ASAP1: variants seen among roughly 807,000 people sequenced by gnomAD.
ASAP1 encodes the protein arf-GAP with SH3 domain, ANK repeat and PH domain-containing protein 1.
Under a neutral mutation model 145.2 loss-of-function variants are expected in ASAP1, and 43 were observed. That is an observed-to-expected ratio of 0.30 (90% CI 0.23 to 0.38). The LOEUF is 0.38. Among genes scored for constraint, ASAP1 ranks in the 10% least tolerant of loss-of-function variants. The pLI, the probability that ASAP1 is intolerant of heterozygous loss-of-function variation, is 1.00. For synonymous variants in ASAP1, 546 were observed against 515.5 expected (o/e 1.06, Z -0.80); for missense variants, 1,018 against 1,355.3 (o/e 0.75, Z 3.91).
chr8:130,420,571 A>C (rs1349947535), intron 1 of ASAP1, among the ~76,000 whole-genome samples: 1 of 152,162 alleles, frequency 6.6e-6, no homozygotes, highest in East Asian at 1.9e-4. Flanking sequence ...GTACAGCCAT[A>C]CAATGCAATT....
At chr8:130,123,974 G>C (rs1446187568) in intron 18 of ASAP1, 39 bp downstream of exon 18, 1 of 1,414,464 alleles carries the variant, frequency 7.1e-7, no homozygotes, top group Non-Finnish European at 9.9e-7. Flanking sequence ...AACAATTATA[G>C]AATGGTTTAA....
At chr8:130,419,444 GGAT>G (rs1038257688) in intron 1 of ASAP1, among the ~76,000 whole-genome samples, 1 of 152,132 alleles carries the variant, frequency 6.6e-6, no homozygotes, top group African/African-American at 2.4e-5. Flanking sequence ...CCCTTCTTTT[GGAT>G]GTTATAAGAA....
Position 130,392,810 on chromosome 8 carries a change from G to A in ASAP1, c.59+9075C>T, listed in dbSNP as rs115434239. 3.7e-3 allele frequency among the ~76,000 whole-genome samples: 562 copies of A among 152,054 alleles called. 5 individuals are homozygous for A. Among genetic ancestry groups the A allele is most frequent in the African/African-American group, 0.013 (534 of 41,466 alleles). On this transcript the variant is annotated intron_variant, in intron 2 of 29. Transcript: ENST00000518721. ...TGGTGAGAGAAGGAGGTGGGGGAGG[G>A]GCTGGGATCTTTTAAACAAACAGTT...
At chr8:130,071,024 G>GAGAGAGAGAGAGAGAGAC (rs2097445132) in intron 27 of ASAP1, among the ~76,000 whole-genome samples, 1 of 142,718 alleles carries the variant, frequency 7.0e-6, no homozygotes, top group Non-Finnish European at 1.6e-5. Context: ...GAGAGAGAGA[G>GAGAGAGAGAGAGAGAGAC]AGAGAGAGAG....
intron 3 of ASAP1, among the ~76,000 whole-genome samples, chr8:130,246,625 C>T (rs755849160): frequency 1.6e-4 from 25 of 152,158 alleles, no homozygotes; most frequent in Non-Finnish European, 3.4e-4. Context: ...GCTTCCCCAG[C>T]CACGCGGAAC....
intron 4 of ASAP1, 72 bp from the exon 5 acceptor site, chr8:130,214,773 G>A (rs1469286): frequency 0.21 from 263,884 of 1,253,282 alleles, 30,579 homozygotes; most frequent in East Asian, 0.43. Flanking sequence ...TTTGAACACC[G>A]ATCACTACGA....
chr8:130,109,006 G>A (rs6996422), intron 24 of ASAP1, among the ~76,000 whole-genome samples: 2 of 151,556 alleles, frequency 1.3e-5, no homozygotes, highest in African/African-American at 2.4e-5. Flanking sequence ...AACTCCCGAC[G>A]TCAGGTGATC....
At chr8:130,121,250 G>A (rs997968482) in intron 18 of ASAP1, among the ~76,000 whole-genome samples, 4 of 152,226 alleles carry the variant, frequency 2.6e-5, no homozygotes, top group East Asian at 1.9e-4. Flanking sequence ...CACACTCCCC[G>A]CCAGTCTGTC....
chr8:130,318,320 G>A (rs1188204382), intron 3 of ASAP1, among the ~76,000 whole-genome samples: 2 of 152,156 alleles, frequency 1.3e-5, no homozygotes, highest in Non-Finnish European at 2.9e-5. Context: ...GGCTTCAAGT[G>A]ATCCTCCTGC....
intron 5 of ASAP1, among the ~76,000 whole-genome samples, chr8:130,213,212 G>A (rs911498617): frequency 2.6e-5 from 4 of 152,116 alleles, no homozygotes; most frequent in African/African-American, 9.7e-5. Context: ...TATCCTTTCC[G>A]AAGTTTTTGA....
rs148853669 is a variant in ASAP1 at position 130,090,061 on chromosome 8, TTAAAG to T, written c.2572+1907_2572+1911del. Among the ~76,000 whole-genome samples the T allele has an allele frequency of 7.1e-3, 1,081 of 152,214 alleles. 14 individuals carry two copies. Among genetic ancestry groups the T allele is most frequent in the African/African-American group, 0.025 (1,035 of 41,516 alleles). On this transcript the variant is annotated intron_variant, in intron 25 of 29. Coordinates refer to ENST00000518721, the MANE Select transcript of ASAP1 (RefSeq NM_018482.4). ...TCCCAGCTCACTGTCAGGCACTCTT[TTAAAG>T]TAAATTTTGTTTAATAAAAAATGCT...
intron 29 of ASAP1, among the ~76,000 whole-genome samples, chr8:130,057,333 C>T (rs570432087): frequency 4.6e-5 from 7 of 152,290 alleles, no homozygotes; most frequent in Middle Eastern, 3.4e-3. Context: ...AACTTTCTTC[C>T]GCTTTAGTAT....
At chr8:130,115,425 C>T (rs1362825752) in intron 23 of ASAP1, among the ~76,000 whole-genome samples, 1 of 152,218 alleles carries the variant, frequency 6.6e-6, no homozygotes, top group Non-Finnish European at 1.5e-5. Flanking sequence ...TGTCTCTCTC[C>T]CTATCCTGTT....
chr8:130,071,634 A>C (rs1321361392), intron 27 of ASAP1, among the ~76,000 whole-genome samples: 2 of 152,214 alleles, frequency 1.3e-5, no homozygotes, highest in Non-Finnish European at 2.9e-5. Flanking sequence ...GAGACAACTC[A>C]AAAGAGTCTC....
rs367783801 is a variant in ASAP1 at position 130,058,092 on chromosome 8, T to C, written c.3193-16A>G. On this transcript the variant is annotated splice_polypyrimidine_tract_variant and intron_variant, in intron 28 of 29. Coordinates refer to ENST00000518721, the MANE Select transcript of ASAP1 (RefSeq NM_018482.4). Reference sequence around the variant, plus strand: ...TATTTTTCCCCTTAAAGAAAGAAACTGGGTTTTAATTGAAAGAATGGACTG... The same window carrying C: ...TATTTTTCCCCTTAAAGAAAGAAACCGGGTTTTAATTGAAAGAATGGACTG... 6.2e-7 allele frequency: 1 copy of C among 1,610,886 alleles called. No homozygotes were observed. The highest frequency in any genetic ancestry group is 8.5e-7 in the Non-Finnish European group (1 of 1,177,228).
chr8:130,167,994 T>A (rs2097683405), intron 10 of ASAP1, among the ~76,000 whole-genome samples: 1 of 151,904 alleles, frequency 6.6e-6, no homozygotes, highest in Admixed American at 6.6e-5. Context: ...TGACCAGGAG[T>A]CTAATGGGCC....
intron 12 of ASAP1, among the ~76,000 whole-genome samples, chr8:130,153,371 A>G (rs1245985559): frequency 3.1e-5 from 3 of 97,098 alleles, no homozygotes; most frequent in African/African-American, 1.1e-4. Context: ...ATATATATAT[A>G]TATATATATA....
At chr8:130,091,017 T>G (rs539421431) in intron 25 of ASAP1, among the ~76,000 whole-genome samples, 1 of 152,206 alleles carries the variant, frequency 6.6e-6, no homozygotes, top group East Asian at 1.9e-4. Context: ...CGTGATGGGG[T>G]GACCCCTAAG....
intron 17 of ASAP1, among the ~76,000 whole-genome samples, chr8:130,125,370 A>G (rs1027831953): frequency 2.0e-5 from 3 of 152,082 alleles, no homozygotes; most frequent in Non-Finnish European, 4.4e-5. Context: ...CATGATGGGA[A>G]GGGCAGAGGT....
Sources: allele counts gnomAD v4.1 joint callset (sites outside exome capture counted in the v4.1 genomes callset), GRCh38; gene constraint gnomAD v4.1.1; transcripts MANE v1.5; gene names NCBI Gene and HGNC (gene_info 2026-07-23, HGNC 2026-07-21).